Variants in LPAR1 observed in about 807,000 individuals in gnomAD.
The protein encoded by LPAR1 is lysophosphatidic acid receptor 1, also known as LPA receptor 1.
LPAR1 carries 5 observed loss-of-function variants against 23.8 expected under a neutral mutation model. The observed-to-expected ratio is 0.21, with a 90% CI of 0.11 to 0.44. LPAR1 has a LOEUF of 0.44. LPAR1 is among the 20% of genes least tolerant of loss of function. The pLI is 0.99. For missense variants in LPAR1, 311 were observed against 482.8 expected, an observed-to-expected ratio of 0.64 and a Z score of 3.33; for synonymous variants, 160 against 164.7, an observed-to-expected ratio of 0.97 and a Z score of 0.22.
chr9:110,984,376 G>C (rs1347408900), intron 2 of LPAR1, among the ~76,000 whole-genome samples: 1 of 151,960 alleles, frequency 6.6e-6, no homozygotes, highest in Non-Finnish European at 1.5e-5. Context: ...GTGACCTCCA[G>C]TTCCATCCAT....
chr9:110,997,407 C>T (rs887935), intron 2 of LPAR1, among the ~76,000 whole-genome samples: 2 of 151,968 alleles, frequency 1.3e-5, no homozygotes, highest in African/African-American at 4.8e-5. Context: ...TGAAGAGTTG[C>T]GTATTAACTA....
chr9:110,889,927 C>T (rs991270015), intron 5 of LPAR1, among the ~76,000 whole-genome samples: 5 of 151,852 alleles, frequency 3.3e-5, no homozygotes, highest in Non-Finnish European at 7.4e-5. Context: ...GCATTTAACT[C>T]AAGAAGTTGA....
At chr9:110,949,064 G>A (rs1283485813) in intron 4 of LPAR1, among the ~76,000 whole-genome samples, 2 of 152,120 alleles carry the variant, frequency 1.3e-5, no homozygotes. Flanking sequence ...TTTGAACTTA[G>A]ACTACCTGTC....
chr9:110,912,508 G>A (rs1180800693), intron 5 of LPAR1, among the ~76,000 whole-genome samples: 1 of 152,166 alleles, frequency 6.6e-6, no homozygotes, highest in Non-Finnish European at 1.5e-5. Context: ...AAAGCAAAGA[G>A]AGAAGAGGAA....
At chr9:110,880,046 C>T (rs536141999) in intron 5 of LPAR1, among the ~76,000 whole-genome samples, 52 of 152,294 alleles carry the variant, frequency 3.4e-4, no homozygotes, top group African/African-American at 1.1e-3. Context: ...TAAATAGGCT[C>T]ATGGCAATTT....
At chr9:111,001,515 A>T (rs2097128685) in intron 2 of LPAR1, among the ~76,000 whole-genome samples, 1 of 152,226 alleles carries the variant, frequency 6.6e-6, no homozygotes, top group Non-Finnish European at 1.5e-5. Flanking sequence ...ACTGGAAAAA[A>T]AAATGGTTCT....
intron 2 of LPAR1, among the ~76,000 whole-genome samples, chr9:111,015,208 G>A (rs2097418814): frequency 6.6e-6 from 1 of 152,098 alleles, no homozygotes; most frequent in African/African-American, 2.4e-5. Context: ...CAGTCCGTGG[G>A]ACTTCATGGC....
chr9:110,970,798 T>A (rs2096394022), intron 4 of LPAR1, among the ~76,000 whole-genome samples: 1 of 152,232 alleles, frequency 6.6e-6, no homozygotes, highest in Admixed American at 6.5e-5. Flanking sequence ...CAAGTTCAAA[T>A]TTCAATCAGT....
chr9:110,945,956 C>T (rs1271745667), intron 4 of LPAR1, among the ~76,000 whole-genome samples: 2 of 152,178 alleles, frequency 1.3e-5, no homozygotes, highest in Non-Finnish European at 2.9e-5. Flanking sequence ...TTAACTGAAA[C>T]ACATCTGAAA....
chr9:111,022,951 G>A (rs935622911), intron 2 of LPAR1, among the ~76,000 whole-genome samples: 3 of 151,216 alleles, frequency 2.0e-5, no homozygotes, highest in African/African-American at 7.3e-5. Context: ...TACTCAGGAG[G>A]CTGAGGCAGG....
intron 4 of LPAR1, among the ~76,000 whole-genome samples, chr9:110,962,903 G>A (rs1011890864): frequency 1.3e-5 from 2 of 152,096 alleles, no homozygotes; most frequent in African/African-American, 4.8e-5. Context: ...AAATCCCCTG[G>A]ACTCTATGAT....
At chr9:110,913,916 C>A (rs1464143364) in intron 5 of LPAR1, among the ~76,000 whole-genome samples, 1 of 152,214 alleles carries the variant, frequency 6.6e-6, no homozygotes, top group East Asian at 1.9e-4. Flanking sequence ...TATTTTTCCA[C>A]AAGAAAGCTG....
At chr9:110,910,024 T>C (rs1228140685) in intron 5 of LPAR1, among the ~76,000 whole-genome samples, 1 of 152,096 alleles carries the variant, frequency 6.6e-6, no homozygotes, top group African/African-American at 2.4e-5. Context: ...GCTAGGATTA[T>C]AGGCATGAGC....
intron 5 of LPAR1, among the ~76,000 whole-genome samples, chr9:110,894,364 T>A (rs1173718648): frequency 1.3e-5 from 2 of 151,988 alleles, no homozygotes; most frequent in Non-Finnish European, 2.9e-5. Context: ...CTCAATATCC[T>A]TATCTGTCAA....
At chr9:111,011,620 C>A (rs1023158780) in intron 2 of LPAR1, among the ~76,000 whole-genome samples, 1 of 152,122 alleles carries the variant, frequency 6.6e-6, no homozygotes, top group African/African-American at 2.4e-5. Context: ...TTTTGCAGAT[C>A]CTTTAAAACT....
intron 5 of LPAR1, among the ~76,000 whole-genome samples, chr9:110,878,829 G>C (rs188061503): frequency 6.7e-4 from 102 of 152,312 alleles, no homozygotes; most frequent in African/African-American, 2.4e-3. Context: ...GGACAAGAAA[G>C]AGCTGGCATG....
intron 4 of LPAR1, among the ~76,000 whole-genome samples, chr9:110,943,277 GTTCACATTCTACTTT>G (rs2095239089): frequency 6.6e-6 from 1 of 151,478 alleles, no homozygotes; most frequent in East Asian, 1.9e-4. Flanking sequence ...CTTGAAGACG[GTTCACATTCTACTTT>G]TTCATTTTTA....
intron 4 of LPAR1, among the ~76,000 whole-genome samples, chr9:110,969,708 T>C (rs891883888): frequency 1.3e-5 from 2 of 150,594 alleles, no homozygotes; most frequent in African/African-American, 4.9e-5. Flanking sequence ...TGAGACTCTG[T>C]CTCAGAAAAA....
Position 110,922,866 on chromosome 9 carries a change from T to C in LPAR1, c.793+18555A>G, listed in dbSNP as rs1010463689. 1.0e-4 allele frequency among the ~76,000 whole-genome samples: 15 copies of C among 149,782 alleles called. No individual in the cohort carries two copies. The East Asian group carries it at 1.4e-3, about 14-fold the overall frequency. On this transcript the variant is annotated intron_variant, in intron 5 of 5. Coordinates refer to ENST00000683809, the MANE Select transcript of LPAR1 (RefSeq NM_001351411.2). ...ATTATTATTATTATTATACTTTAAGTTCTGGGGTACATATGCAGAACGTGC... is the reference window on the plus strand; with the variant it reads ...ATTATTATTATTATTATACTTTAAGCTCTGGGGTACATATGCAGAACGTGC...
Sources: allele counts gnomAD v4.1 joint callset (sites outside exome capture counted in the v4.1 genomes callset), GRCh38; gene constraint gnomAD v4.1.1; transcripts MANE v1.5; gene names NCBI Gene and HGNC (gene_info 2026-07-23, HGNC 2026-07-21).